Variants in PCDH15 observed in about 807,000 individuals in gnomAD.
PCDH15 encodes protocadherin-15.
Under a neutral mutation model 178.5 loss-of-function variants are expected in PCDH15, and 129 were observed. The ratio of observed to expected loss-of-function variants is 0.72; its 90% CI spans 0.63 to 0.84. The LOEUF (loss-of-function observed/expected upper bound fraction) is 0.84. Ranked by LOEUF, PCDH15 falls within the 40% of genes least tolerant of loss-of-function variation. PCDH15 has a pLI of 0.00. For synonymous variants in PCDH15, 800 were observed against 732.0 expected (o/e 1.09, Z -1.50); for missense variants, 2,230 against 2,099.9 (o/e 1.06, Z -1.21).
intron 1 of PCDH15, among the ~76,000 whole-genome samples, chr10:55,310,151 GT>G (rs540715927): frequency 2.5e-4 from 37 of 150,810 alleles, no homozygotes; most frequent in South Asian, 2.3e-3. Flanking sequence ...ACACTTATTT[GT>G]TTTTTTATCA....
At chr10:54,048,720 G>A (rs1203144056) in intron 18 of PCDH15, among the ~76,000 whole-genome samples, 1 of 152,046 alleles carries the variant, frequency 6.6e-6, no homozygotes, top group East Asian at 1.9e-4. Flanking sequence ...TCTCCATTCT[G>A]TTCCGTTAAC....
At chr10:54,202,121 G>A (rs2050295843) in intron 10 of PCDH15, among the ~76,000 whole-genome samples, 1 of 152,144 alleles carries the variant, frequency 6.6e-6, no homozygotes, top group South Asian at 2.1e-4. Context: ...TTAACACATG[G>A]CTTAGATACA....
chr10:55,368,759 A>G (rs1845424889), intron 2 of PCDH15, among the ~76,000 whole-genome samples: 1 of 152,096 alleles, frequency 6.6e-6, no homozygotes, highest in Non-Finnish European at 1.5e-5. Flanking sequence ...ATAACTCCTA[A>G]GAAAATGACA....
At chr10:54,057,419 G>T (rs183350924) in intron 18 of PCDH15, among the ~76,000 whole-genome samples, 2 of 152,184 alleles carry the variant, frequency 1.3e-5, no homozygotes, top group Non-Finnish European at 2.9e-5. Flanking sequence ...GCACCTGCAC[G>T]ATCAACACCA....
At chr10:55,347,884 T>G (rs1007348944) in intron 2 of PCDH15, among the ~76,000 whole-genome samples, 4 of 152,104 alleles carry the variant, frequency 2.6e-5, no homozygotes, top group Non-Finnish European at 5.9e-5. Flanking sequence ...TCTTTTTATT[T>G]TTATTTGATT....
intron 3 of PCDH15, among the ~76,000 whole-genome samples, chr10:54,511,772 A>G (rs184785769): frequency 1.3e-5 from 2 of 152,294 alleles, no homozygotes; most frequent in Admixed American, 6.5e-5. Context: ...AATTTTCTCT[A>G]TACATTTTTA....
At chr10:54,997,127 C>A (rs1213281991) in intron 2 of PCDH15, among the ~76,000 whole-genome samples, 1 of 126,060 alleles carries the variant, frequency 7.9e-6, no homozygotes, top group Non-Finnish European at 1.7e-5. Flanking sequence ...AAAAAAAAAT[C>A]AAACTACCTT....
chr10:54,512,418 T>C (rs2081788545), intron 3 of PCDH15, among the ~76,000 whole-genome samples: 1 of 148,126 alleles, frequency 6.8e-6, no homozygotes, highest in South Asian at 2.1e-4. Flanking sequence ...TGGGGGATGA[T>C]GCGTATATGT....
intron 2 of PCDH15, among the ~76,000 whole-genome samples, chr10:55,147,476 G>A (rs977393954): frequency 2.0e-5 from 3 of 151,126 alleles, no homozygotes; most frequent in Non-Finnish European, 4.4e-5. Context: ...TTTTTGGAAT[G>A]AAAATATTTT....
At chr10:54,980,233 TC>T (rs1033770247) in intron 2 of PCDH15, among the ~76,000 whole-genome samples, 1 of 152,178 alleles carries the variant, frequency 6.6e-6, no homozygotes, top group Non-Finnish European at 1.5e-5. Context: ...ACAATCCATT[TC>T]AAAAGAAAGA....
intron 16 of PCDH15, among the ~76,000 whole-genome samples, chr10:54,084,434 C>G (rs781597452): frequency 2.6e-5 from 4 of 151,612 alleles, no homozygotes; most frequent in African/African-American, 7.3e-5. Flanking sequence ...GACCATACCA[C>G]AGCTCTCCAG....
chr10:54,627,571 G>A (rs772601275), intron 2 of PCDH15, among the ~76,000 whole-genome samples: 3 of 152,170 alleles, frequency 2.0e-5, no homozygotes, highest in Non-Finnish European at 4.4e-5. Flanking sequence ...GTGGAACTGT[G>A]AGTTTTCCAT....
At chr10:54,237,080 TAA>T in intron 8 of PCDH15, 149 bp from the exon 9 acceptor site, 1 of 738,826 alleles carries the variant, frequency 1.4e-6, no homozygotes, top group East Asian at 2.7e-5. Context: ...TTTTACTAGT[TAA>T]TTTTGAATGT....
At chr10:55,064,697 A>T (rs1841519175) in intron 2 of PCDH15, among the ~76,000 whole-genome samples, 1 of 152,088 alleles carries the variant, frequency 6.6e-6, no homozygotes, top group African/African-American at 2.4e-5. Context: ...GTCAAAAGCA[A>T]ATCAAGCATA....
intron 3 of PCDH15, among the ~76,000 whole-genome samples, chr10:54,806,566 T>C (rs57334522): frequency 0.041 from 6,159 of 150,666 alleles, 375 homozygotes; most frequent in African/African-American, 0.14. Context: ...TCATTGCAAC[T>C]TTTGCCTCCC....
chr10:55,600,809 T>C (rs2132144161), intron 2 of PCDH15, among the ~76,000 whole-genome samples: 3 of 152,278 alleles, frequency 2.0e-5, no homozygotes, highest in East Asian at 3.9e-4. Context: ...CCAGGTCTTA[T>C]AAATTTCAGG....
In PCDH15 at chr10:54,465,216, A is replaced by G. The variant is rs112422231; in HGVS notation, c.157+62596T>C. On this transcript the variant is annotated intron_variant, in intron 3 of 37. Coordinates refer to ENST00000644397, the MANE Select transcript of PCDH15 (RefSeq NM_001384140.1). ...TAACATGTAATGATCATGTCATAGTATTTATTCCCTAGAATACTTTTCATC... is the reference window on the plus strand; with the variant it reads ...TAACATGTAATGATCATGTCATAGTGTTTATTCCCTAGAATACTTTTCATC... 3.4e-4 allele frequency among the ~76,000 whole-genome samples: 51 copies of G among 152,176 alleles called. 2 individuals are homozygous for G. The highest frequency in any genetic ancestry group is 1.2e-3 in the African/African-American group (48 of 41,560).
chr10:55,098,324 T>C lies in PCDH15; in HGVS notation c.-80+68252A>G, dbSNP rs77771962. Among the ~76,000 whole-genome samples the C allele has an allele frequency of 6.6e-3, 1,008 of 152,150 alleles. 14 individuals carry two copies. The highest frequency in any genetic ancestry group is 0.023 in the African/African-American group (974 of 41,530). On this transcript the variant is annotated intron_variant, in intron 2 of 5. Transcript: ENST00000458638. ...CCAGAATCAACCTCAAGAAGTCTGGTTTTGGTATAGGAGTTAAAAAGAAAT... is the reference window on the plus strand; with the variant it reads ...CCAGAATCAACCTCAAGAAGTCTGGCTTTGGTATAGGAGTTAAAAAGAAAT...
chr10:54,737,950 G>A (rs986351425), intron 1 of PCDH15, among the ~76,000 whole-genome samples: 13 of 152,088 alleles, frequency 8.5e-5, no homozygotes, highest in African/African-American at 3.1e-4. Context: ...TTACTCGGGT[G>A]GCCAGGGTAG....
Sources: gnomAD v4.1 joint callset for allele counts (sites outside exome capture counted in the v4.1 genomes callset) on GRCh38, gnomAD v4.1.1 for gene constraint, MANE v1.5 for transcripts, NCBI Gene and HGNC (gene_info 2026-07-23, HGNC 2026-07-21) for gene names.